Variants in TIAM2 observed in about 807,000 individuals in gnomAD.
TIAM2 encodes the protein rho guanine nucleotide exchange factor TIAM2.
A neutral mutation model predicts 152.9 loss-of-function variants in TIAM2; 80 were observed. The ratio of observed to expected loss-of-function variants is 0.52; its 90% CI spans 0.44 to 0.63. TIAM2 has a LOEUF of 0.63. Among genes scored for constraint, TIAM2 ranks in the 30% least tolerant of loss-of-function variants. The pLI is 0.00. For synonymous variants in TIAM2, 804 were observed against 838.0 expected, an observed-to-expected ratio of 0.96 and a Z score of 0.70; for missense variants, 1,965 against 2,120.1, an observed-to-expected ratio of 0.93 and a Z score of 1.44.
chr6:155,017,665 G>A lies in TIAM2; in HGVS notation c.-209+22173G>A, dbSNP rs149658305. 2.3e-4 allele frequency among the ~76,000 whole-genome samples: 35 copies of A among 152,002 alleles called. 1 individual carries two copies. In the East Asian group the frequency reaches 4.6e-3, roughly 20 times the overall value. On this transcript the variant is annotated intron_variant, in intron 1 of 26. Transcript: ENST00000682666. Reference sequence around the variant, plus strand: ...ACTACAGGCACCTGCCACCACGCCCGGCTAATTTTTTGTATTTTTTGTAGA... The same window carrying A: ...ACTACAGGCACCTGCCACCACGCCCAGCTAATTTTTTGTATTTTTTGTAGA...
chr6:155,053,575 A>C (rs1777372234), intron 1 of TIAM2, among the ~76,000 whole-genome samples: 1 of 150,388 alleles, frequency 6.6e-6, no homozygotes, highest in Non-Finnish European at 1.5e-5. Context: ...GGTTCAAGAG[A>C]TTCTCATGCC....
intron 2 of TIAM2, among the ~76,000 whole-genome samples, chr6:155,099,660 C>T (rs975376303): frequency 2.0e-5 from 3 of 152,180 alleles, no homozygotes; most frequent in Non-Finnish European, 4.4e-5. Context: ...AAGTTATTAA[C>T]GCTATGGCTA....
At chr6:155,085,461 C>T (rs1228098292) in intron 1 of TIAM2, among the ~76,000 whole-genome samples, 1 of 151,830 alleles carries the variant, frequency 6.6e-6, no homozygotes, top group Non-Finnish European at 1.5e-5. Context: ...GTTCACCTGA[C>T]AATGAAAGTT....
In TIAM2 at chr6:155,172,686, A is replaced by ATTT. The variant is rs113165280; in HGVS notation, c.2362-4106_2362-4104dup. 1.2e-3 allele frequency among the ~76,000 whole-genome samples: 24 copies of ATTT among 19,616 alleles called. 3 individuals are homozygous for ATTT. The highest frequency in any genetic ancestry group is 3.3e-3 in the Admixed American group (3 of 904). 12.9% of individuals were successfully genotyped at this position (19,616 alleles called of 152,430 possible). ...TATATATATATATATATATATATAT[A>ATTT]TTTTTTTTTTTTTTTTTTTTTTTTT... On this transcript the variant is annotated intron_variant, in intron 9 of 26. Coordinates refer to ENST00000682666, the MANE Select transcript of TIAM2 (RefSeq NM_012454.4).
chr6:155,190,609 G>A lies in TIAM2; in HGVS notation c.3064+7109G>A, dbSNP rs573854409. Reference sequence around the variant, plus strand: ...AAAATCAGTCTTGGCTTTTCTCTCCGAACATTAACTATAAATACAACTTTC... The same window carrying A: ...AAAATCAGTCTTGGCTTTTCTCTCCAAACATTAACTATAAATACAACTTTC... On this transcript the variant is annotated intron_variant, in intron 14 of 26. Transcript: ENST00000682666. Among the ~76,000 whole-genome samples the A allele has an allele frequency of 2.0e-5, 3 of 152,314 alleles. No individual in the cohort carries two copies. In the South Asian group the frequency reaches 6.2e-4, roughly 32 times the overall value.
At position 155,218,879 on chromosome 6, in the gene TIAM2, T is replaced by C. The variant is rs972645172; in HGVS notation, c.3168+7572T>C. On this transcript the variant is annotated intron_variant, in intron 15 of 26. Transcript: ENST00000682666. This position sits in a 1 kb window ranked among gnomAD's most constrained non-coding sequence, Gnocchi z 4.5. Reference sequence around the variant, plus strand: ...CATCTCAGCCGCCCACCCGTGTTCTTGACCATCTCAGCCGCCCACCCGTGT... The same window carrying C: ...CATCTCAGCCGCCCACCCGTGTTCTCGACCATCTCAGCCGCCCACCCGTGT... Among the ~76,000 whole-genome samples the C allele has an allele frequency of 2.0e-5, 3 of 147,664 alleles. No homozygotes were observed. The highest frequency in any genetic ancestry group is 3.0e-5 in the Non-Finnish European group (2 of 67,032).
intron 1 of TIAM2, among the ~76,000 whole-genome samples, chr6:155,028,554 A>AT (rs1776690253): frequency 1.5e-5 from 2 of 134,828 alleles, no homozygotes; most frequent in Admixed American, 7.8e-5. Context: ...TACTACATAT[A>AT]ATATATATAT....
chr6:155,250,410 G>T, intron 21 of TIAM2: 1 of 597,360 alleles, frequency 1.7e-6, no homozygotes, highest in Non-Finnish European at 2.6e-6. Flanking sequence ...GCTTAATTTA[G>T]AATCTTGTGC....
At chr6:155,089,804 G>T (rs1399794494) in intron 1 of TIAM2, among the ~76,000 whole-genome samples, 2 of 152,186 alleles carry the variant, frequency 1.3e-5, no homozygotes. Context: ...ATTGAACTGT[G>T]TATTTCCACT....
intron 6 of TIAM2, among the ~76,000 whole-genome samples, chr6:155,147,387 A>G (rs563118399): frequency 4.6e-5 from 7 of 151,782 alleles, no homozygotes; most frequent in Non-Finnish European, 8.8e-5. Flanking sequence ...GCTCACTGCA[A>G]CCTCCGCCCC....
At chr6:155,050,172 C>T in intron 1 of TIAM2, among the ~76,000 whole-genome samples, 1 of 152,178 alleles carries the variant, frequency 6.6e-6, no homozygotes, top group East Asian at 1.9e-4. Flanking sequence ...CATGGGATTA[C>T]TGGTGCTCGC....
At chr6:155,058,042 A>G (rs1454587457) in intron 1 of TIAM2, among the ~76,000 whole-genome samples, 3 of 152,092 alleles carry the variant, frequency 2.0e-5, no homozygotes, top group African/African-American at 7.2e-5. Flanking sequence ...TGTTTTGACC[A>G]TTGGAGCTCT....
rs151302114 is a variant in TIAM2, at chr6:155,194,569, C to T, written c.3064+11069C>T. Among the ~76,000 whole-genome samples the T allele has an allele frequency of 4.3e-3, 655 of 152,308 alleles. 2 individuals carry two copies. The highest frequency in any genetic ancestry group is 7.1e-3 in the Non-Finnish European group (481 of 68,016). On this transcript the variant is annotated intron_variant, in intron 14 of 26. Coordinates refer to ENST00000682666, the MANE Select transcript of TIAM2 (RefSeq NM_012454.4). ...GAGCACATAGGTAGGAGGAGATACT[C>T]TGTCCTCCTCCTTTACAGGGACTCT... is the stretch of plus-strand genomic sequence containing the variant.
intron 1 of TIAM2, chr6:155,005,218 C>A: frequency 4.4e-6 from 1 of 227,214 alleles, no homozygotes; most frequent in Non-Finnish European, 9.6e-6. Context: ...GCCTGCCTGT[C>A]TTTCCACAAT....
At chr6:155,084,134 A>G (rs1270746151) in intron 1 of TIAM2, among the ~76,000 whole-genome samples, 1 of 152,180 alleles carries the variant, frequency 6.6e-6, no homozygotes, top group Non-Finnish European at 1.5e-5. Flanking sequence ...CACTGCATGT[A>G]GGTAATTTCT....
Position 155,164,514 on chromosome 6 carries a change from A to C in TIAM2, c.2128A>C (p.Lys710Gln). ...SLQGGELPNPKSLLAAASRPS... is the reference protein window; with the variant it reads ...SLQGGELPNPQSLLAAASRPS... The stretch of plus-strand genomic sequence containing the variant: ...ACAAGGTGGGGAGTTACCGAACCCA[A>C]AGAGTCTCCTTGCAGCCGCCAGCCG... The change falls in exon 8 of 27, where the codon AAG (lysine) becomes CAG (glutamine). Residue 710 changes from lysine to glutamine, a missense_variant. By Grantham distance (53) the Lys-to-Gln change is moderately conservative. Around this residue, in one of 3 missense-constraint regions of TIAM2, gnomAD observed 1,025 missense variants for 1,119.4 expected, o/e 0.92. Coordinates refer to ENST00000682666, the MANE Select transcript of TIAM2 (RefSeq NM_012454.4). 1 of 1,614,052 alleles carries C rather than the reference A, an allele frequency of 6.2e-7. No homozygotes were observed. Among genetic ancestry groups the C allele is most frequent in the African/African-American group, 1.3e-5 (1 of 75,032 alleles).
Position 155,252,958 on chromosome 6 carries a change from C to T in TIAM2, c.4130C>T (p.Ser1377Phe). The T allele has an allele frequency of 6.2e-7, 1 of 1,614,120 alleles. No homozygotes were observed. The highest frequency in any genetic ancestry group is 2.2e-5 in the East Asian group (1 of 44,884). ...GCCTTCATGTTACAGCCCTCGAATT[C>T]CCGGCCTGCACACAACTCTACTGAC... ...CKLKKKLPSN[S>F]RPAHNSTDLD... Residue 1377 changes from serine to phenylalanine, a missense_variant, in exon 24 of 27, where the codon TCC (serine) becomes TTC (phenylalanine). Ser to Phe is a radical substitution (Grantham distance 155). Coordinates refer to ENST00000682666, the MANE Select transcript of TIAM2 (RefSeq NM_012454.4).
intron 15 of TIAM2, among the ~76,000 whole-genome samples, chr6:155,233,895 T>G (rs1782596137): frequency 6.6e-6 from 1 of 151,780 alleles, no homozygotes; most frequent in Non-Finnish European, 1.5e-5. Context: ...TTCAGGAGTT[T>G]GAGGCTGCAG....
chr6:155,018,938 G>T (rs1341076164), intron 1 of TIAM2, among the ~76,000 whole-genome samples: 1 of 149,726 alleles, frequency 6.7e-6, no homozygotes, highest in Non-Finnish European at 1.5e-5. Flanking sequence ...TACTTGGGAG[G>T]CTGAGGCAGG....
Sources: allele counts gnomAD v4.1 joint callset (sites outside exome capture counted in the v4.1 genomes callset), GRCh38; gene constraint gnomAD v4.1.1; regional missense constraint gnomAD v4.1.1; non-coding constraint Gnocchi (gnomAD v3.1); transcripts MANE v1.5; gene names NCBI Gene and HGNC (gene_info 2026-07-23, HGNC 2026-07-21).